The following BLTP1 variants were observed in gnomAD, a reference collection of about 807,000 sequenced individuals.
The protein encoded by BLTP1 is fragile site-associated protein.
chr4:122,316,623 G>T, the BLTP1 span: 1 of 1,392,288 alleles, frequency 7.2e-7, no homozygotes, highest in African/African-American at 1.4e-5. Context: ...CCTTAATATA[G>T]ATGGTTTTGA....
At chr4:122,320,838 A>C in the BLTP1 span, among the ~76,000 whole-genome samples, 2 of 152,026 alleles carry the variant, frequency 1.3e-5, no homozygotes, top group Admixed American at 1.3e-4. Flanking sequence ...TGTATTTGTT[A>C]CTATTTTCTA....
chr4:122,164,716 T>A, the BLTP1 span, among the ~76,000 whole-genome samples: 1 of 152,202 alleles, frequency 6.6e-6, no homozygotes, highest in East Asian at 1.9e-4. Flanking sequence ...CTCAGATACC[T>A]GTTTTATTAA....
chr4:122,351,450 G>A, the BLTP1 span, among the ~76,000 whole-genome samples: 21 of 152,040 alleles, frequency 1.4e-4, no homozygotes, highest in Non-Finnish European at 3.1e-4. Context: ...ATCTCCTTTA[G>A]CTTTCAAAAC....
At chr4:122,316,175 A>G in the BLTP1 span, among the ~76,000 whole-genome samples, 38,551 of 152,136 alleles carry the variant, frequency 0.25, 5,769 homozygotes, top group Middle Eastern at 0.51. Flanking sequence ...CATCTATACT[A>G]TACACTCTGT....
chr4:122,313,716 TTAGA>T, the BLTP1 span: 2 of 1,272,998 alleles, frequency 1.6e-6, no homozygotes, highest in Admixed American at 1.9e-5. Flanking sequence ...TTATTTTATG[TTAGA>T]TAGAATTCTG....
At chr4:122,218,033 T>C in the BLTP1 span, among the ~76,000 whole-genome samples, 2 of 152,146 alleles carry the variant, frequency 1.3e-5, no homozygotes, top group African/African-American at 4.8e-5. Flanking sequence ...AATGATCTTT[T>C]GTATTTCTGT....
chr4:122,329,833 A>G, the BLTP1 span, among the ~76,000 whole-genome samples: 2 of 151,792 alleles, frequency 1.3e-5, no homozygotes, highest in African/African-American at 2.4e-5. Context: ...GAACTTATTA[A>G]TCTTGCGTAA....
chr4:122,251,448 C>G, the BLTP1 span: 1 of 917,986 alleles, frequency 1.1e-6, no homozygotes, highest in Non-Finnish European at 1.3e-6. Flanking sequence ...ATTTTTAAAA[C>G]ATTTGTTTTT....
the BLTP1 span, chr4:122,326,006 A>G: frequency 2.7e-6 from 1 of 366,494 alleles, no homozygotes; most frequent in Non-Finnish European, 5.4e-6. Context: ...CTCATTTCAA[A>G]CTTAACTTAG....
At chr4:122,337,674 A>C in the BLTP1 span, among the ~76,000 whole-genome samples, 1 of 151,932 alleles carries the variant, frequency 6.6e-6, no homozygotes, top group African/African-American at 2.4e-5. Context: ...ATTTCTTGCC[A>C]TTATAGTTCT....
chr4:122,190,649 A>G, the BLTP1 span: 6 of 308,792 alleles, frequency 1.9e-5, no homozygotes, highest in East Asian at 8.6e-4. Context: ...GAGAATGCAA[A>G]TGATCATGAG....
At chr4:122,241,018 G>A in the BLTP1 span, among the ~76,000 whole-genome samples, 3 of 152,124 alleles carry the variant, frequency 2.0e-5, no homozygotes, top group Non-Finnish European at 4.4e-5. Flanking sequence ...GTTTAGAGGT[G>A]GAAAATGACA....
the BLTP1 span, chr4:122,152,601 G>A: frequency 1.0e-6 from 1 of 985,668 alleles, no homozygotes; most frequent in Non-Finnish European, 1.2e-6. Context: ...GGATGGGCCG[G>A]GCCAGACGGG....
At chr4:122,197,765 T>C in the BLTP1 span, among the ~76,000 whole-genome samples, 3 of 152,152 alleles carry the variant, frequency 2.0e-5, no homozygotes, top group African/African-American at 7.2e-5. Flanking sequence ...GTTAAAAATG[T>C]TAAAGTGTGT....
At chr4:122,281,906 T>G in the BLTP1 span, 4 of 1,297,284 alleles carry the variant, frequency 3.1e-6, no homozygotes, top group Non-Finnish European at 3.9e-6. Context: ...TTAAAGTTCA[T>G]TAATGATGTT....
the BLTP1 span, chr4:122,154,025 G>A: frequency 6.1e-6 from 6 of 984,932 alleles, no homozygotes; most frequent in African/African-American, 8.7e-5. Context: ...TACTTTTCAG[G>A]TTTGTTAAGA....
the BLTP1 span, chr4:122,249,871 A>T: frequency 3.0e-6 from 3 of 983,944 alleles, no homozygotes; most frequent in Non-Finnish European, 3.6e-6. Flanking sequence ...TTCCTCCATT[A>T]TGTGATTTCC....
the BLTP1 span, chr4:122,184,659 A>G: frequency 1.0e-6 from 1 of 984,478 alleles, no homozygotes; most frequent in Non-Finnish European, 1.2e-6. Flanking sequence ...CCAAAAAACA[A>G]AAAACATTCA....
chr4:122,199,363 C>T, the BLTP1 span: 1 of 1,611,890 alleles, frequency 6.2e-7, no homozygotes, highest in Admixed American at 1.7e-5. Flanking sequence ...TATTAGGTTA[C>T]ACTCCTGCTA....
Sources: allele counts gnomAD v4.1 joint callset (sites outside exome capture counted in the v4.1 genomes callset), GRCh38; gene constraint gnomAD v4.1.1; transcripts MANE v1.5; gene names NCBI Gene and HGNC (gene_info 2026-07-23, HGNC 2026-07-21).